The following KYAT3 variants were observed in gnomAD, a reference collection of about 807,000 sequenced individuals.
KYAT3 encodes the protein kynurenine aminotransferase 3.
A neutral mutation model predicts 59.0 loss-of-function variants in KYAT3; 50 were observed. The observed-to-expected ratio is 0.85, with a 90% CI of 0.68 to 1.07. KYAT3 has a LOEUF of 1.07. Ranked by LOEUF, KYAT3 falls within the 50% of genes least tolerant of loss-of-function variation. The pLI is 0.00. For missense variants in KYAT3, 497 were observed against 533.3 expected (o/e 0.93, Z 0.67); for synonymous variants, 148 against 177.0 (o/e 0.84, Z 1.30).
chr1:88,965,766 A>G (rs927860223), intron 4 of KYAT3, among the ~76,000 whole-genome samples: 3 of 151,900 alleles, frequency 2.0e-5, no homozygotes, highest in African/African-American at 7.3e-5. Context: ...TTTGCTTTTG[A>G]AGTACCATCC....
At chr1:88,958,709 T>C (rs1676021968) in intron 8 of KYAT3, among the ~76,000 whole-genome samples, 1 of 152,230 alleles carries the variant, frequency 6.6e-6, no homozygotes, top group South Asian at 2.1e-4. Flanking sequence ...TAGCTTTTTG[T>C]TGTGGACAAG....
chr1:88,921,681 A>G, the KYAT3 span, among the ~76,000 whole-genome samples: 1 of 151,816 alleles, frequency 6.6e-6, no homozygotes, highest in African/African-American at 2.4e-5. Flanking sequence ...TGTATAGAAA[A>G]AGGCTTATTT....
Position 88,936,123 on chromosome 1 carries a change from C to T in KYAT3, c.*60G>A. 2 of 1,069,442 alleles carry T rather than the reference C, an allele frequency of 1.9e-6. No individual in the cohort carries two copies. Among genetic ancestry groups the T allele is most frequent in the Non-Finnish European group, 2.8e-6 (2 of 709,954 alleles). The allele number at this position is 1,069,442 out of a possible 1,614,324, so 66.2% of individuals were successfully genotyped here. A position where few individuals can be genotyped will look rare whatever the true frequency, so the allele number is the denominator to read the frequency against. Reference sequence around the variant, plus strand: ...CCTTTTAACATCCAGCAGGTGGCAGCACTAAGTAACAATTCCATACTAGGT... The same window carrying T: ...CCTTTTAACATCCAGCAGGTGGCAGTACTAAGTAACAATTCCATACTAGGT... On this transcript the variant is annotated 3_prime_UTR_variant, in exon 14 of 14. Coordinates refer to ENST00000260508, the MANE Select transcript of KYAT3 (RefSeq NM_001008661.3).
chr1:88,982,462 C>G, intron 2 of KYAT3: 2 of 1,063,116 alleles, frequency 1.9e-6, no homozygotes, highest in Non-Finnish European at 2.6e-6. Flanking sequence ...GTCATAAAGT[C>G]AAATAAAATT....
At chr1:88,981,901 A>G (rs1183123463) in intron 2 of KYAT3, 2 of 897,962 alleles carry the variant, frequency 2.2e-6, no homozygotes, top group Non-Finnish European at 2.7e-6. Context: ...TTCCTTTAAA[A>G]GTGAGACATT....
At chr1:88,948,456 T>C (rs1394473348) in intron 11 of KYAT3, among the ~76,000 whole-genome samples, 1 of 152,212 alleles carries the variant, frequency 6.6e-6, no homozygotes, top group African/African-American at 2.4e-5. Context: ...CAGAATTACA[T>C]ATAACAGCTT....
Position 88,936,103 on chromosome 1 carries a change from T to G in KYAT3, c.*80A>C, listed in dbSNP as rs577579314. ...ATTCCAGTTGTACTGAAATACCTTTTAACATCCAGCAGGTGGCAGCACTAA... is the reference window on the plus strand; with the variant it reads ...ATTCCAGTTGTACTGAAATACCTTTGAACATCCAGCAGGTGGCAGCACTAA... On this transcript the variant is annotated 3_prime_UTR_variant, in exon 14 of 14. Coordinates refer to ENST00000260508, the MANE Select transcript of KYAT3 (RefSeq NM_001008661.3). 6.5e-6 allele frequency: 6 copies of G among 916,688 alleles called. No individual in the cohort carries two copies. The highest frequency in any genetic ancestry group is 1.6e-5 in the African/African-American group (1 of 61,714). 56.8% of individuals were successfully genotyped at this position (916,688 alleles called of 1,614,324 possible). A position where few individuals can be genotyped will look rare whatever the true frequency, so the allele number is the denominator to read the frequency against.
At chr1:88,931,284 T>C (rs1286464920), downstream of KYAT3, among the ~76,000 whole-genome samples, 1 of 152,176 alleles carries the variant, frequency 6.6e-6, no homozygotes, top group Non-Finnish European at 1.5e-5. Flanking sequence ...TTTCAATCCC[T>C]CTATCTTTAA....
At chr1:88,967,196 A>G (rs1005518031) in intron 4 of KYAT3, among the ~76,000 whole-genome samples, 8 of 152,004 alleles carry the variant, frequency 5.3e-5, no homozygotes, top group Non-Finnish European at 7.4e-5. Context: ...GGCATTTTTT[A>G]AATCAGTTTT....
intron 9 of KYAT3, among the ~76,000 whole-genome samples, chr1:88,953,545 CAAA>C (rs67537454): frequency 1.5e-3 from 147 of 100,862 alleles, no homozygotes; most frequent in East Asian, 0.011. Context: ...GACTCTATCT[CAAA>C]AAAAAAAAAA....
At chr1:88,950,553 G>A (rs1343453343) in intron 10 of KYAT3, among the ~76,000 whole-genome samples, 1 of 151,372 alleles carries the variant, frequency 6.6e-6, no homozygotes, top group Non-Finnish European at 1.5e-5. Flanking sequence ...TACTGCCTTA[G>A]AAAATTCCAA....
chr1:88,984,830 C>T (rs1006959718), intron 2 of KYAT3, among the ~76,000 whole-genome samples: 1 of 152,158 alleles, frequency 6.6e-6, no homozygotes, highest in East Asian at 1.9e-4. Context: ...TGATTATCTT[C>T]CCTCCACCCT....
chr1:88,971,430 G>T (rs10518418), intron 2 of KYAT3, among the ~76,000 whole-genome samples: 16,106 of 151,644 alleles, frequency 0.11, 918 homozygotes, highest in Middle Eastern at 0.19. Flanking sequence ...TCTTTCCTAT[G>T]CCCAAATGCT....
At chr1:88,955,067 G>T in intron 9 of KYAT3, 82 bp downstream of exon 9, 1 of 919,562 alleles carries the variant, frequency 1.1e-6, no homozygotes. Context: ...TGCCTGGCCA[G>T]CATTTAAAAC....
chr1:88,960,139 T>G (rs1289877901), intron 8 of KYAT3, among the ~76,000 whole-genome samples: 1 of 151,096 alleles, frequency 6.6e-6, no homozygotes, highest in Non-Finnish European at 1.5e-5. Context: ...TTCTCCATGT[T>G]GCCCAGGCCA....
At chr1:88,972,328 C>T (rs947014976) in intron 2 of KYAT3, among the ~76,000 whole-genome samples, 4 of 152,226 alleles carry the variant, frequency 2.6e-5, no homozygotes, top group African/African-American at 9.7e-5. Flanking sequence ...ACCTTCACAG[C>T]AATACCTAGA....
At chr1:88,983,387 A>T in intron 2 of KYAT3, 13 of 1,614,152 alleles carry the variant, frequency 8.1e-6, no homozygotes, top group Admixed American at 1.7e-5. Flanking sequence ...TTTTACTGGG[A>T]GTGGTCCCCT....
At chr1:88,940,268 C>T (rs1442523154) in intron 13 of KYAT3, among the ~76,000 whole-genome samples, 1 of 152,056 alleles carries the variant, frequency 6.6e-6, no homozygotes, top group African/African-American at 2.4e-5. Context: ...GATGGGGTTT[C>T]ACCATGTTGG....
Position 88,988,256 on chromosome 1 carries a change from G to C in KYAT3, c.95C>G (p.Ser32Cys). 1 of 1,609,192 alleles carries C rather than the reference G, an allele frequency of 6.2e-7. No individual in the cohort carries two copies. The highest frequency in any genetic ancestry group is 8.5e-7 in the Non-Finnish European group (1 of 1,175,762). The change falls in exon 2 of 14, where the codon TCT becomes TGT. Residue 32 changes from serine (S) to cysteine (C), a missense_variant. Ser to Cys is a moderately radical substitution (Grantham distance 112, BLOSUM62 -1). Coordinates refer to ENST00000260508, the MANE Select transcript of KYAT3 (RefSeq NM_001008661.3). ...CTGTAAGTAAGCAATACCTACAGCA[G>C]AAGTAGAGAATCCGAGGATTTTGGA... ...SSSKILGFST[S>C]AKMSLKFTNA...
Sources: allele counts gnomAD v4.1 joint callset (sites outside exome capture counted in the v4.1 genomes callset), GRCh38; gene constraint gnomAD v4.1.1; transcripts MANE v1.5; gene names NCBI Gene and HGNC (gene_info 2026-07-23, HGNC 2026-07-21).